The following FOXN3 variants were observed in gnomAD, a reference collection of about 807,000 sequenced individuals.
FOXN3 encodes forkhead box N3.
In FOXN3, 7 loss-of-function variants were observed where a neutral mutation model predicts 38.4. That is an observed-to-expected ratio of 0.18 (90% CI 0.10 to 0.34). FOXN3 has a LOEUF of 0.34. Ranked by LOEUF, FOXN3 falls within the 10% of genes least tolerant of loss-of-function variation. The pLI, the probability that FOXN3 is intolerant of heterozygous loss-of-function variation, is 1.00. For missense variants in FOXN3, 456 were observed against 613.4 expected (o/e 0.74, Z 2.71); for synonymous variants, 230 against 242.2 (o/e 0.95, Z 0.47).
chr14:89,591,828 G>C (rs1380386465), intron 1 of FOXN3, among the ~76,000 whole-genome samples: 1 of 152,156 alleles, frequency 6.6e-6, no homozygotes, highest in Non-Finnish European at 1.5e-5. Flanking sequence ...AGGAGACTGA[G>C]GCAAGAGGGT....
At chr14:89,511,597 C>T (rs1254150417) in intron 1 of FOXN3, among the ~76,000 whole-genome samples, 1 of 152,082 alleles carries the variant, frequency 6.6e-6, no homozygotes, top group Admixed American at 6.6e-5. Context: ...GACCAACTTG[C>T]CCTGAAGCCT....
At chr14:89,415,475 T>C (rs72703634) in intron 1 of FOXN3, among the ~76,000 whole-genome samples, 33,658 of 151,550 alleles carry the variant, frequency 0.22, 3,941 homozygotes, top group East Asian at 0.38. Flanking sequence ...CATGTGTGCG[T>C]TTTGTGCTGG....
intron 1 of FOXN3, among the ~76,000 whole-genome samples, chr14:89,505,490 T>C (rs1893899359): frequency 6.7e-6 from 1 of 150,134 alleles, no homozygotes; most frequent in Non-Finnish European, 1.5e-5. Flanking sequence ...TTGGCCGGGC[T>C]GGTCTCCAGC....
chr14:89,505,804 G>C (rs890274806), intron 1 of FOXN3, among the ~76,000 whole-genome samples: 3 of 151,440 alleles, frequency 2.0e-5, no homozygotes, highest in African/African-American at 7.3e-5. Flanking sequence ...GCCTCTTCCC[G>C]GCCACCATCC....
intron 4 of FOXN3, among the ~76,000 whole-genome samples, chr14:89,206,966 A>T (rs1177192633): frequency 2.6e-5 from 4 of 152,210 alleles, no homozygotes; most frequent in Non-Finnish European, 5.9e-5. Flanking sequence ...AATAAAAATG[A>T]GTATCTGTTT....
intron 1 of FOXN3, among the ~76,000 whole-genome samples, chr14:89,487,724 T>G (rs1243965850): frequency 6.6e-6 from 1 of 152,076 alleles, no homozygotes; most frequent in Non-Finnish European, 1.5e-5. Flanking sequence ...AAATATATTG[T>G]CCACTATGGA....
intron 4 of FOXN3, among the ~76,000 whole-genome samples, chr14:89,203,475 C>T (rs949554425): frequency 6.6e-6 from 1 of 152,174 alleles, no homozygotes; most frequent in African/African-American, 2.4e-5. Context: ...TCTGTGGCAC[C>T]CGAGGGAGGC....
intron 1 of FOXN3, among the ~76,000 whole-genome samples, chr14:89,582,768 T>G (rs1895770408): frequency 6.6e-6 from 1 of 152,204 alleles, no homozygotes; most frequent in African/African-American, 2.4e-5. Flanking sequence ...CTTTTAATCC[T>G]TCTCCCAGCC....
At chr14:89,169,943 T>G (rs1354883603) in intron 5 of FOXN3, among the ~76,000 whole-genome samples, 1 of 152,146 alleles carries the variant, frequency 6.6e-6, no homozygotes, top group Non-Finnish European at 1.5e-5. Context: ...GTACAGATCA[T>G]TAGCTCAAAT....
At chr14:89,493,772 A>G (rs1245055690) in intron 1 of FOXN3, among the ~76,000 whole-genome samples, 2 of 152,108 alleles carry the variant, frequency 1.3e-5, no homozygotes, top group African/African-American at 2.4e-5. Context: ...GCAGCTGTTA[A>G]AAAGATTCTG....
At chr14:89,199,761 A>G (rs1293741643) in intron 4 of FOXN3, among the ~76,000 whole-genome samples, 1 of 152,102 alleles carries the variant, frequency 6.6e-6, no homozygotes, top group African/African-American at 2.4e-5. Flanking sequence ...AAAATTAGCC[A>G]GGTGTGGTGG....
chr14:89,404,268 G>A (rs1891326774), intron 2 of FOXN3, among the ~76,000 whole-genome samples: 1 of 151,780 alleles, frequency 6.6e-6, no homozygotes, highest in Non-Finnish European at 1.5e-5. Context: ...TCAGCACTTT[G>A]GGAGGCCGAG....
At chr14:89,187,550 G>A (rs1887839481) in intron 4 of FOXN3, among the ~76,000 whole-genome samples, 3 of 152,218 alleles carry the variant, frequency 2.0e-5, no homozygotes, top group Admixed American at 6.5e-5. Flanking sequence ...GGCCTTGGGC[G>A]ATGCCGGCAG....
intron 3 of FOXN3, among the ~76,000 whole-genome samples, chr14:89,286,102 A>C (rs2041744): frequency 0.92 from 139,044 of 151,510 alleles, 63,840 homozygotes; most frequent in East Asian, 0.97. Flanking sequence ...AACACCTGGG[A>C]TCAAGTGATC....
intron 1 of FOXN3, among the ~76,000 whole-genome samples, chr14:89,595,230 C>T (rs561246700): frequency 2.0e-5 from 3 of 151,558 alleles, no homozygotes; most frequent in Admixed American, 2.0e-4. Flanking sequence ...GAGGCTGAGG[C>T]AGGAGAATGG....
intron 1 of FOXN3, among the ~76,000 whole-genome samples, chr14:89,510,935 T>A (rs1013852337): frequency 6.6e-6 from 1 of 151,856 alleles, no homozygotes. Context: ...AGAGTGAGAC[T>A]CCATCTCAAA....
intron 4 of FOXN3, among the ~76,000 whole-genome samples, chr14:89,258,219 G>A (rs557834028): frequency 6.6e-6 from 1 of 152,076 alleles, no homozygotes; most frequent in Non-Finnish European, 1.5e-5. Context: ...GTGACCCTCA[G>A]CCTCCCACCT....
chr14:89,589,581 G>C (rs946846861), intron 1 of FOXN3, among the ~76,000 whole-genome samples: 6 of 152,080 alleles, frequency 3.9e-5, no homozygotes, highest in African/African-American at 1.4e-4. Context: ...GAGGTCTATA[G>C]GCGAACAGTT....
intron 3 of FOXN3, among the ~76,000 whole-genome samples, chr14:89,334,386 G>A (rs1888374975): frequency 6.6e-6 from 1 of 152,102 alleles, no homozygotes; most frequent in Non-Finnish European, 1.5e-5. Flanking sequence ...GAGGCAGGTG[G>A]ATCACCTGAG....
Sources: gnomAD v4.1 joint callset for allele counts (sites outside exome capture counted in the v4.1 genomes callset) on GRCh38, gnomAD v4.1.1 for gene constraint, MANE v1.5 for transcripts, NCBI Gene and HGNC (gene_info 2026-07-23, HGNC 2026-07-21) for gene names.